PITPNC1: variants seen among roughly 807,000 people sequenced by gnomAD.
PITPNC1 encodes the protein cytoplasmic phosphatidylinositol transfer protein 1.
Under a neutral mutation model 44.7 loss-of-function variants are expected in PITPNC1, and 18 were observed. That is an observed-to-expected ratio of 0.40 (90% CI 0.28 to 0.60). PITPNC1 has a LOEUF of 0.60. PITPNC1 is among the 20% of genes least tolerant of loss of function. The probability of loss-of-function intolerance (pLI) is 0.39; values close to 1 mark genes in which losing one functional copy is unlikely to be tolerated. For synonymous variants in PITPNC1, 141 were observed against 149.6 expected (o/e 0.94, Z 0.42); for missense variants, 290 against 418.4 (o/e 0.69, Z 2.68).
At chr17:67,464,834 G>T (rs1470373882) in intron 1 of PITPNC1, among the ~76,000 whole-genome samples, 6 of 151,874 alleles carry the variant, frequency 4.0e-5, no homozygotes, top group Admixed American at 3.3e-4. Flanking sequence ...CTGCCTCTCG[G>T]GTCCAAGCAA....
intron 1 of PITPNC1, among the ~76,000 whole-genome samples, chr17:67,503,189 A>G (rs1429596094): frequency 6.6e-6 from 1 of 151,738 alleles, no homozygotes; most frequent in Non-Finnish European, 1.5e-5. Flanking sequence ...TCAAAATAAA[A>G]GAAGTAGATT....
rs1030402859 is a variant in PITPNC1 at position 67,692,650 on chromosome 17, C to A, written c.761C>A (p.Pro254His). 9 of 1,613,732 alleles carry A rather than the reference C, an allele frequency of 5.6e-6. No homozygotes were observed. Among genetic ancestry groups the A allele is most frequent in the Non-Finnish European group, 7.6e-6 (9 of 1,179,686 alleles). ...AACAAGAAAATCGGCATTTTCCCACCTGCAATTTCTATCTCCAGCATCCCC... is the reference window on the plus strand; with the variant it reads ...AACAAGAAAATCGGCATTTTCCCACATGCAATTTCTATCTCCAGCATCCCC... ...ATNKKIGIFPPAISISSIPLL... is the reference protein window; with the variant it reads ...ATNKKIGIFPHAISISSIPLL... The change falls in exon 9 of 9, where the codon CCT becomes CAT. Residue 254 changes from proline to histidine, a missense_variant. Pro to His is a moderately conservative substitution (Grantham distance 77, BLOSUM62 -2). Transcript: ENST00000581322.
chr17:67,529,692 A>T (rs1431593199), intron 1 of PITPNC1, among the ~76,000 whole-genome samples: 3 of 152,162 alleles, frequency 2.0e-5, no homozygotes, highest in African/African-American at 7.2e-5. Context: ...CATGCCTGTA[A>T]TCCCAGCACT....
chr17:67,544,931 T>C (rs539369304), intron 2 of PITPNC1, among the ~76,000 whole-genome samples: 3 of 152,286 alleles, frequency 2.0e-5, no homozygotes, highest in South Asian at 2.1e-4. Flanking sequence ...TCTGACCAAA[T>C]AGCTCATTTT....
intron 1 of PITPNC1, among the ~76,000 whole-genome samples, chr17:67,441,203 G>A (rs1253798907): frequency 1.3e-5 from 2 of 152,038 alleles, no homozygotes; most frequent in Non-Finnish European, 2.9e-5. Flanking sequence ...GTCATCTTCT[G>A]TATCTCCCTC....
chr17:67,572,817 A>G (rs2041081492), intron 4 of PITPNC1, among the ~76,000 whole-genome samples: 1 of 151,114 alleles, frequency 6.6e-6, no homozygotes, highest in Non-Finnish European at 1.5e-5. Flanking sequence ...ACCTACCTAG[A>G]TTTAGGGTGG....
chr17:67,391,058 A>AGTGTGTGTGTGTGTGTGTGTGT (rs1191357305), intron 1 of PITPNC1, among the ~76,000 whole-genome samples: 1 of 108,618 alleles, frequency 9.2e-6, no homozygotes, highest in African/African-American at 4.9e-5. Flanking sequence ...TGACTTTTTT[A>AGTGTGTGTGTGTGTGTGTGTGT]GCGTGTGTGT....
chr17:67,423,460 A>C (rs1252626133), intron 1 of PITPNC1, among the ~76,000 whole-genome samples: 3 of 152,214 alleles, frequency 2.0e-5, no homozygotes. Context: ...CTTGGTACAG[A>C]GAGGTGGCGA....
intron 5 of PITPNC1, among the ~76,000 whole-genome samples, chr17:67,619,864 T>C (rs992022834): frequency 6.6e-6 from 1 of 151,208 alleles, no homozygotes; most frequent in African/African-American, 2.4e-5. Flanking sequence ...CTCAGAGGAG[T>C]CCTCACATCG....
Position 67,542,617 on chromosome 17 carries a change from T to G in PITPNC1, c.198-9640T>G, listed in dbSNP as rs932774238. The stretch of plus-strand genomic sequence containing the variant: ...GCATTTTCATAAGTCCACAGGGCAG[T>G]GGGTCCTGATTGTTGGACCGGCCGT... On this transcript the variant is annotated intron_variant, in intron 2 of 8. Transcript: ENST00000581322. 1.1e-4 allele frequency among the ~76,000 whole-genome samples: 16 copies of G among 152,196 alleles called. 1 individual carries two copies. The highest frequency in any genetic ancestry group is 5.9e-5 in the Non-Finnish European group (4 of 68,022).
intron 1 of PITPNC1, among the ~76,000 whole-genome samples, chr17:67,384,575 G>T (rs997807887): frequency 6.6e-6 from 1 of 152,156 alleles, no homozygotes; most frequent in Non-Finnish European, 1.5e-5. Flanking sequence ...ACAGGCGCCC[G>T]CCACTGCGCC....
In PITPNC1 at chr17:67,570,725, G is replaced by A. The variant is rs150687611; in HGVS notation, c.295-7461G>A. 3.0e-3 allele frequency among the ~76,000 whole-genome samples: 450 copies of A among 151,950 alleles called. 5 individuals are homozygous for A. Among genetic ancestry groups the A allele is most frequent in the African/African-American group, 0.01 (425 of 41,440 alleles). ...GAATTTGCCCCAAGTCACACAGTTT[G>A]TTGGAAAAGAAGCTGCGGTTTGAAC... On this transcript the variant is annotated intron_variant, in intron 4 of 8. Coordinates refer to ENST00000581322, the MANE Select transcript of PITPNC1 (RefSeq NM_012417.4).
chr17:67,421,073 T>A (rs537574189), intron 1 of PITPNC1, among the ~76,000 whole-genome samples: 1 of 152,036 alleles, frequency 6.6e-6, no homozygotes, highest in Non-Finnish European at 1.5e-5. Flanking sequence ...TTTCAGGAGA[T>A]CTCTGCGCAT....
At chr17:67,505,676 C>T (rs543291750) in intron 1 of PITPNC1, among the ~76,000 whole-genome samples, 52 of 152,018 alleles carry the variant, frequency 3.4e-4, no homozygotes, top group South Asian at 1.3e-3. Context: ...GGGGTTTTAC[C>T]GTGTTAGCCA....
chr17:67,571,729 G>A (rs1312578026), intron 4 of PITPNC1, among the ~76,000 whole-genome samples: 1 of 152,214 alleles, frequency 6.6e-6, no homozygotes, highest in Non-Finnish European at 1.5e-5. Context: ...TCCTATCCAC[G>A]TGGCTATCTC....
chr17:67,418,199 G>C (rs1331837106), intron 1 of PITPNC1, among the ~76,000 whole-genome samples: 1 of 152,176 alleles, frequency 6.6e-6, no homozygotes, highest in African/African-American at 2.4e-5. Context: ...ATTAAGATCT[G>C]CTTATTGCCT....
At chr17:67,386,338 G>A (rs539208442) in intron 1 of PITPNC1, among the ~76,000 whole-genome samples, 2 of 152,086 alleles carry the variant, frequency 1.3e-5, no homozygotes, top group African/African-American at 4.8e-5. Flanking sequence ...GATTACAGGC[G>A]CCTGCCAGCA....
At chr17:67,552,647 G>A (rs572135561) in intron 3 of PITPNC1, among the ~76,000 whole-genome samples, 12 of 151,948 alleles carry the variant, frequency 7.9e-5, no homozygotes, top group Non-Finnish European at 1.2e-4. Context: ...TTGGGAGGCC[G>A]AGGCAGGTGG....
intron 1 of PITPNC1, among the ~76,000 whole-genome samples, chr17:67,502,359 T>A (rs1168495041): frequency 6.6e-6 from 1 of 151,774 alleles, no homozygotes; most frequent in Admixed American, 6.6e-5. Flanking sequence ...TTCCAGGAAA[T>A]GGATTGAAAT....
Sources: allele counts gnomAD v4.1 joint callset (sites outside exome capture counted in the v4.1 genomes callset), GRCh38; gene constraint gnomAD v4.1.1; transcripts MANE v1.5; gene names NCBI Gene and HGNC (gene_info 2026-07-23, HGNC 2026-07-21).